The following PCDHGA2 variants were observed in gnomAD, a reference collection of about 807,000 sequenced individuals.
PCDHGA2 encodes the protein protocadherin gamma subfamily A, 2.
A neutral mutation model predicts 59.2 loss-of-function variants in PCDHGA2; 40 were observed. The observed-to-expected ratio is 0.68, with a 90% confidence interval of 0.52 to 0.88. The LOEUF is 0.88. Among genes scored for constraint, PCDHGA2 ranks in the 40% least tolerant of loss-of-function variants. The pLI, the probability that PCDHGA2 is intolerant of heterozygous loss-of-function variation, is 0.00. For missense variants in PCDHGA2, 1,226 were observed against 1,204.0 expected (o/e 1.02, Z -0.27); for synonymous variants, 560 against 526.0 (o/e 1.06, Z -0.89).
rs761386567 is a variant in PCDHGA2 at position 141,383,468 on chromosome 5, A to G, written c.2424+42073A>G. ...GTGCAAAGTGGAGACGATGAAACTA[A>G]GTACCCGGAACTGGTGCTGGAGCGG... On this transcript the variant is annotated intron_variant, in intron 1 of 3. Transcript: ENST00000394576. The G allele has an allele frequency of 1.1e-5, 17 of 1,613,656 alleles. 1 individual carries two copies. In the South Asian group the frequency reaches 1.9e-4, roughly 18 times the overall value.
intron 1 of PCDHGA2, chr5:141,371,767 C>A: frequency 6.2e-7 from 1 of 1,614,030 alleles, no homozygotes; most frequent in Non-Finnish European, 8.5e-7. Context: ...GCCTCCTACA[C>A]CGTGCATGTA....
chr5:141,507,609 A>G (rs2099862010), intron 3 of PCDHGA2, among the ~76,000 whole-genome samples: 1 of 152,260 alleles, frequency 6.6e-6, no homozygotes, highest in Non-Finnish European at 1.5e-5. Context: ...ATAAACAGGT[A>G]TATTTAGCTG....
At chr5:141,373,925 G>C (rs1769961983) in intron 1 of PCDHGA2, 11 of 660,560 alleles carry the variant, frequency 1.7e-5, no homozygotes, top group Non-Finnish European at 2.6e-5. Flanking sequence ...CAAATTAGAC[G>C]GGAAAGCAGG....
At chr5:141,375,688 C>T in intron 1 of PCDHGA2, 1 of 1,614,256 alleles carries the variant, frequency 6.2e-7, no homozygotes, top group Non-Finnish European at 8.5e-7. Context: ...TGACAGCCAG[C>T]GACAGCGGGG....
At position 141,487,448 on chromosome 5, in the gene PCDHGA2, C is replaced by T; in HGVS notation, c.2425-7359C>T. The stretch of plus-strand genomic sequence containing the variant: ...CCGAATCCAGCTAGGGTCAGATGAC[C>T]CTATCAAGTTTGTTGATGTGGGAGG... On this transcript the variant is annotated intron_variant, in intron 1 of 3. Coordinates refer to ENST00000394576, the MANE Select transcript of PCDHGA2 (RefSeq NM_018915.4). The surrounding 1 kb of genome is among the most constrained non-coding windows in gnomAD (Gnocchi z 5.0). 6.8e-6 allele frequency: 11 copies of T among 1,614,146 alleles called. No individual in the cohort carries two copies. The highest frequency in any genetic ancestry group is 9.3e-6 in the Non-Finnish European group (11 of 1,180,028).
In PCDHGA2 at chr5:141,351,516, T is replaced by C. The variant is rs749136987; in HGVS notation, c.2424+10121T>C. On this transcript the variant is annotated intron_variant, in intron 1 of 3. Transcript: ENST00000394576. ...ACAGCAGACTACAACGTCACAATCA[T>C]AGCCACCGACAAGGGCAAACCAGCC... 8.7e-6 allele frequency: 14 copies of C among 1,613,854 alleles called. No individual in the cohort carries two copies. In the Admixed American group the frequency reaches 2.3e-4, roughly 27 times the overall value.
In PCDHGA2 at chr5:141,490,755, C is replaced by T; in HGVS notation, c.2425-4052C>T. ...AGGTTCAGGGAGCCCCAGCCTCCTC[C>T]TTTGTGTATGTCAACCCAGAGGATG... On this transcript the variant is annotated intron_variant, in intron 1 of 3. Transcript: ENST00000394576. This position sits in a 1 kb window ranked among gnomAD's most constrained non-coding sequence, Gnocchi z 5.4. 1 of 1,614,190 alleles carries T rather than the reference C, an allele frequency of 6.2e-7. No individual in the cohort carries two copies. Among genetic ancestry groups the T allele is most frequent in the Non-Finnish European group, 8.5e-7 (1 of 1,180,026 alleles).
rs146860480 is a variant in PCDHGA2 at position 141,474,581 on chromosome 5, T to G, written c.2425-20226T>G. ...GGTTTTCAGAGATTAATTGAAGTGTTAAAGACATGGAAATATAGGTCACAT... is the reference window on the plus strand; with the variant it reads ...GGTTTTCAGAGATTAATTGAAGTGTGAAAGACATGGAAATATAGGTCACAT... On this transcript the variant is annotated intron_variant, in intron 1 of 3. Transcript: ENST00000394576. Among the ~76,000 whole-genome samples the G allele has an allele frequency of 7.1e-4, 108 of 152,358 alleles. No homozygotes were observed. The East Asian group carries it at 0.015, about 21-fold the overall frequency.
At chr5:141,504,378 C>T (rs2099837786) in intron 2 of PCDHGA2, among the ~76,000 whole-genome samples, 1 of 152,052 alleles carries the variant, frequency 6.6e-6, no homozygotes, top group Non-Finnish European at 1.5e-5. Flanking sequence ...CAGGTGGAGT[C>T]GCTGCCTCAC....
intron 1 of PCDHGA2, among the ~76,000 whole-genome samples, chr5:141,448,434 GA>G (rs1297090877): frequency 1.3e-5 from 2 of 152,050 alleles, no homozygotes; most frequent in South Asian, 4.2e-4. Flanking sequence ...TATATATTGA[GA>G]AGTCTGACTT....
At chr5:141,429,613 G>A (rs1374650357) in intron 1 of PCDHGA2, among the ~76,000 whole-genome samples, 2 of 152,084 alleles carry the variant, frequency 1.3e-5, no homozygotes, top group African/African-American at 2.4e-5. Flanking sequence ...TCAATTTTAT[G>A]TCTGATATTT....
intron 1 of PCDHGA2, chr5:141,422,820 G>A (rs904706749): frequency 6.2e-6 from 10 of 1,614,178 alleles, no homozygotes; most frequent in Non-Finnish European, 7.6e-6. Flanking sequence ...ACTTAGAACT[G>A]AGAGTGATAG....
chr5:141,352,643 G>T, intron 1 of PCDHGA2: 1 of 1,606,940 alleles, frequency 6.2e-7, no homozygotes, highest in Non-Finnish European at 8.5e-7. Flanking sequence ...TCACAAAATC[G>T]CTTATGACCC....
chr5:141,446,482 C>A (rs961785845), intron 1 of PCDHGA2, among the ~76,000 whole-genome samples: 2 of 146,988 alleles, frequency 1.4e-5, no homozygotes, highest in Non-Finnish European at 3.0e-5. Flanking sequence ...GGTCATCATT[C>A]TTTTTTTTTT....
rs2099756055 is a variant in PCDHGA2, at chr5:141,494,679, C to T, written c.2425-128C>T. The T allele has an allele frequency of 3.9e-6, 6 of 1,556,494 alleles. No homozygotes were observed. In the South Asian group the frequency reaches 4.7e-5, roughly 12 times the overall value. ...GTCTTTGGAGATGAGTCCACCCCTG[C>T]CCCCTCTTAGTCCGTTTTCTTCTCT... is the stretch of plus-strand genomic sequence containing the variant. On this transcript the variant is annotated intron_variant, in intron 1 of 3. Coordinates refer to ENST00000394576, the MANE Select transcript of PCDHGA2 (RefSeq NM_018915.4).
chr5:141,499,763 T>C (rs2099794343), intron 2 of PCDHGA2, among the ~76,000 whole-genome samples: 1 of 148,434 alleles, frequency 6.7e-6, no homozygotes, highest in African/African-American at 2.5e-5. Flanking sequence ...CTCAGCTCAC[T>C]GCAGCCTTCG....
intron 1 of PCDHGA2, chr5:141,370,273 C>G: frequency 1.2e-6 from 1 of 809,002 alleles, no homozygotes; most frequent in East Asian, 2.7e-5. Context: ...GCAGCGGAGA[C>G]ACCCATTAGA....
At chr5:141,393,023 T>C (rs372159245) in intron 1 of PCDHGA2, 52 of 1,613,550 alleles carry the variant, frequency 3.2e-5, no homozygotes, top group Non-Finnish European at 4.3e-5. Flanking sequence ...TCTCCAGAGG[T>C]AGGACGCAGC....
chr5:141,398,675 A>G (rs1462726875), intron 1 of PCDHGA2: 10 of 1,613,974 alleles, frequency 6.2e-6, no homozygotes, highest in East Asian at 2.2e-5. Context: ...TTAATAATTA[A>G]GGAGAAACAG....
Sources: gnomAD v4.1 joint callset for allele counts (sites outside exome capture counted in the v4.1 genomes callset) on GRCh38, gnomAD v4.1.1 for gene constraint, Gnocchi (gnomAD v3.1) non-coding constraint, MANE v1.5 for transcripts, NCBI Gene and HGNC (gene_info 2026-07-23, HGNC 2026-07-21) for gene names.